Variants in TAF7L observed in about 807,000 individuals in gnomAD.
The protein encoded by TAF7L is transcription initiation factor TFIID subunit 7-like.
A neutral mutation model predicts 30.2 loss-of-function variants in TAF7L; 6 were observed. That is an observed-to-expected ratio of 0.20 (90% CI 0.11 to 0.39). The LOEUF is 0.39. TAF7L is among the 10% of genes least tolerant of loss of function. The pLI is 1.00. For synonymous variants in TAF7L, 93 were observed against 94.5 expected, an observed-to-expected ratio of 0.98 and a Z score of 0.09; for missense variants, 284 against 277.1, an observed-to-expected ratio of 1.03 and a Z score of -0.18.
chrX:101,275,651 C>A (rs1924138444), intron 11 of TAF7L, among the ~76,000 whole-genome samples: 1 of 111,333 alleles, frequency 9.0e-6, no homozygotes, highest in Non-Finnish European at 1.9e-5. Flanking sequence ...CATTCTTTAT[C>A]TATAAAATGG....
chrX:101,275,650 T>A (rs1393256181), intron 11 of TAF7L, among the ~76,000 whole-genome samples: 2 of 111,432 alleles, frequency 1.8e-5, no homozygotes, highest in Non-Finnish European at 3.8e-5. Context: ...CCATTCTTTA[T>A]CTATAAAATG....
chrX:101,275,789 C>T (rs1924144264), intron 11 of TAF7L, among the ~76,000 whole-genome samples: 2 of 111,489 alleles, frequency 1.8e-5, no homozygotes, highest in African/African-American at 6.5e-5. Flanking sequence ...TATCTCATAT[C>T]ACCTAGTCCC....
chrX:101,279,835 T>C (rs1184576677), intron 6 of TAF7L, among the ~76,000 whole-genome samples: 2 of 110,813 alleles, frequency 1.8e-5, no homozygotes, highest in African/African-American at 6.6e-5. Flanking sequence ...CCAACTGATA[T>C]TTCACAAAGG....
chrX:101,278,065 A>G lies in TAF7L; in HGVS notation c.561T>C (p.Ala187=). ...AAAGGATACGGGTACTTACGGCTTC[A>G]GCATCCGAACGCAGCAGTCTCTTTA... ...NEVKRLLRSD[A]EAVSTRWEVI... is the part of the protein sequence containing the mutation. The change falls in exon 8 of 13, where the codon GCT becomes GCC. Residue 187 remains alanine (A), a synonymous_variant. Transcript: ENST00000356784. 2 of 1,210,722 alleles carry G rather than the reference A, an allele frequency of 1.7e-6. No homozygotes were observed. Among genetic ancestry groups the G allele is most frequent in the Non-Finnish European group, 2.2e-6 (2 of 894,510 alleles).
intron 1 of TAF7L, chrX:101,287,906 A>C (rs1924662284): frequency 7.1e-6 from 1 of 140,537 alleles, no homozygotes; most frequent in Admixed American, 8.6e-5. Context: ...TGGCTACCTA[A>C]GCAAACTAAC....
At chrX:101,288,764 T>G (rs1195461650) in intron 1 of TAF7L, among the ~76,000 whole-genome samples, 1 of 110,823 alleles carries the variant, frequency 9.0e-6, no homozygotes, top group African/African-American at 3.3e-5. Flanking sequence ...AAGTTAATCT[T>G]TTTTTGACAA....
At chrX:101,276,752 A>C in intron 9 of TAF7L, among the ~76,000 whole-genome samples, 1 of 111,143 alleles carries the variant, frequency 9.0e-6, no homozygotes, top group East Asian at 2.8e-4. Flanking sequence ...AGAGACTCTA[A>C]GGGTCATAGG....
chrX:101,278,766 G>A (rs1022823574), intron 7 of TAF7L, among the ~76,000 whole-genome samples: 1 of 111,508 alleles, frequency 9.0e-6, no homozygotes, highest in Admixed American at 9.8e-5. Flanking sequence ...TAGAATACAC[G>A]GGGTCACTGG....
At chrX:101,274,217 A>G (rs1282304950) in intron 12 of TAF7L, among the ~76,000 whole-genome samples, 2 of 101,688 alleles carry the variant, frequency 2.0e-5, no homozygotes, top group African/African-American at 7.5e-5. Flanking sequence ...ATTTCATTAT[A>G]ATTTTTTTTT....
At chrX:101,289,769 A>T in intron 1 of TAF7L, among the ~76,000 whole-genome samples, 1 of 109,797 alleles carries the variant, frequency 9.1e-6, no homozygotes, top group Middle Eastern at 4.7e-3. Context: ...TTGTATATTT[A>T]GTAGAGACAG....
chrX:101,284,517 A>G (rs769419357), intron 3 of TAF7L, among the ~76,000 whole-genome samples: 2 of 111,745 alleles, frequency 1.8e-5, no homozygotes, highest in East Asian at 5.6e-4. Context: ...GGTGTGCACC[A>G]CCATGCCCGG....
At chrX:101,289,259 G>A (rs1924716874) in intron 1 of TAF7L, among the ~76,000 whole-genome samples, 1 of 111,737 alleles carries the variant, frequency 8.9e-6, no homozygotes, top group Non-Finnish European at 1.9e-5. Context: ...ATAGTATTCA[G>A]CTGGGTACAC....
At chrX:101,277,951 A>C in intron 8 of TAF7L, 98 bp downstream of exon 8, 1 of 722,996 alleles carries the variant, frequency 1.4e-6, no homozygotes, top group Non-Finnish European at 2.2e-6. Flanking sequence ...TAAGTTCCAC[A>C]CATCAAGACT....
At chrX:101,291,113 G>C (rs1924779941) in intron 1 of TAF7L, 111 bp downstream of exon 1, 7 of 258,105 alleles carry the variant, frequency 2.7e-5, no homozygotes, top group Non-Finnish European at 3.8e-5. Flanking sequence ...CCCAGCCTTC[G>C]CGCCTCGCTG....
chrX:101,270,151 C>A (rs10126248), intron 12 of TAF7L, among the ~76,000 whole-genome samples: 54,736 of 110,394 alleles, frequency 0.5, 11,573 homozygotes, highest in African/African-American at 0.83. Context: ...ATAGGATTTA[C>A]TTTTTTTTAA....
At chrX:101,292,755 C>G (rs1924869615), upstream of TAF7L, 1 of 1,194,248 alleles carries the variant, frequency 8.4e-7, no homozygotes, top group Middle Eastern at 3.2e-4. Context: ...AAAGAAGGTC[C>G]TCGGCTGGGG....
At position 101,288,776 on chromosome X, in the gene TAF7L, T is replaced by G. The variant is rs746074238; in HGVS notation, c.-2-1231A>C. ...TCCAAGTTAATCTTTTTTTGACAAA[T>G]TATAATCATATATAATTATGGGGTA... is the stretch of plus-strand genomic sequence containing the variant. On this transcript the variant is annotated intron_variant, in intron 1 of 12. Coordinates refer to ENST00000356784, the MANE Select transcript of TAF7L (RefSeq NM_001168474.2). 2.7e-5 allele frequency among the ~76,000 whole-genome samples: 3 copies of G among 111,051 alleles called. No individual in the cohort carries two copies. The East Asian group carries it at 8.4e-4, about 31-fold the overall frequency.
intron 2 of TAF7L, 26 bp from the exon 3 acceptor site, chrX:101,286,679 CAGA>C (rs767948213): frequency 2.4e-5 from 27 of 1,106,030 alleles, no homozygotes; most frequent in Non-Finnish European, 3.4e-5. Context: ...ATTGAAAAAT[CAGA>C]AGAACTAAAC....
In TAF7L at chrX:101,276,356, C is replaced by T. The variant is rs1367636256; in HGVS notation, c.864G>A (p.Glu288=). ...CCCTATACTGGCCAGATTCAATAAA[C>T]TCGGCCTGCAGCTGCCTTTCCAGAT... The part of the protein sequence containing the change: ...EEYLERQLQA[E]FIESGQYRAN... The change falls in exon 10 of 13, where the codon GAG becomes GAA. Residue 288 remains glutamate, a synonymous_variant. Transcript: ENST00000356784. The T allele has an allele frequency of 5.0e-6, 6 of 1,209,096 alleles. No individual in the cohort carries two copies. The South Asian group carries it at 8.8e-5, about 18-fold the overall frequency.
Sources: gnomAD v4.1 joint callset for allele counts (sites outside exome capture counted in the v4.1 genomes callset) on GRCh38, gnomAD v4.1.1 for gene constraint, MANE v1.5 for transcripts, NCBI Gene and HGNC (gene_info 2026-07-23, HGNC 2026-07-21) for gene names.